Variants in CDH13 observed in about 807,000 individuals in gnomAD.
The protein encoded by CDH13 is cadherin-13.
Under a neutral mutation model 63.8 loss-of-function variants are expected in CDH13, and 24 were observed. That is an observed-to-expected ratio of 0.38 (90% CI 0.27 to 0.53). CDH13 has a LOEUF of 0.53. Among genes scored for constraint, CDH13 ranks in the 20% least tolerant of loss-of-function variants. The pLI is 0.85. For synonymous variants in CDH13, 503 were observed against 355.3 expected, an observed-to-expected ratio of 1.42 and a Z score of -4.67; for missense variants, 1,049 against 903.1, an observed-to-expected ratio of 1.16 and a Z score of -2.07.
chr16:83,093,347 G>A (rs935993650), intron 3 of CDH13, among the ~76,000 whole-genome samples: 3 of 59,430 alleles, frequency 5.0e-5, no homozygotes, highest in African/African-American at 1.1e-4. Context: ...TGGAGTCTTC[G>A]TCTTTTGCCC....
intron 1 of CDH13, among the ~76,000 whole-genome samples, chr16:82,639,112 A>T (rs1027543283): frequency 6.6e-6 from 1 of 152,164 alleles, no homozygotes; most frequent in Non-Finnish European, 1.5e-5. Context: ...TCTATGTTGC[A>T]CTAGTATATA....
intron 2 of CDH13, among the ~76,000 whole-genome samples, chr16:82,921,910 T>G (rs2042167879): frequency 6.6e-6 from 1 of 152,302 alleles, no homozygotes; most frequent in East Asian, 1.9e-4. Flanking sequence ...TCTAAATTAC[T>G]GATTCAATTT....
In CDH13 at chr16:83,599,195, T is replaced by C. The variant is rs145307048; in HGVS notation, c.961-3259T>C. ...CTGCTATAGTTAGTGCTTGAGGCAG[T>C]CCTGTAGCACATCCCCACAGCAATC... On this transcript the variant is annotated intron_variant, in intron 7 of 13. Transcript: ENST00000567109. 5.1e-3 allele frequency among the ~76,000 whole-genome samples: 783 copies of C among 152,310 alleles called. 7 individuals are homozygous for C. The highest frequency in any genetic ancestry group is 0.018 in the African/African-American group (744 of 41,556).
rs143597752 is a variant in CDH13, at chr16:83,525,455, T to A, written c.960+38800T>A. Among the ~76,000 whole-genome samples, 165 of 152,306 alleles carry A rather than the reference T, an allele frequency of 1.1e-3. No homozygotes were observed. In the Middle Eastern group the frequency reaches 0.024, roughly 22 times the overall value. On this transcript the variant is annotated intron_variant, in intron 7 of 13. Transcript: ENST00000567109. The stretch of plus-strand genomic sequence containing the variant: ...GGTTTCTTGGACTCCTAAGCCTAAT[T>A]TGTAAATGCTATGTTATACTGACTT...
intron 7 of CDH13, among the ~76,000 whole-genome samples, chr16:83,542,325 C>G (rs1042596766): frequency 6.6e-6 from 1 of 152,156 alleles, no homozygotes; most frequent in Non-Finnish European, 1.5e-5. Context: ...GCCAGGATTG[C>G]AAACTACTGC....
intron 7 of CDH13, among the ~76,000 whole-genome samples, chr16:83,602,085 AAAAAAAAAAAAAGAACAACAAC>A: frequency 1.3e-5 from 1 of 77,980 alleles, no homozygotes; most frequent in Non-Finnish European, 2.5e-5. Context: ...TCTGTCTCAA[AAAAAAAAAAAAAGAACAACAAC>A]AAAAAAAAAA....
At chr16:83,449,988 G>GGGCAGA (rs1412802441) in intron 6 of CDH13, among the ~76,000 whole-genome samples, 1 of 152,176 alleles carries the variant, frequency 6.6e-6, no homozygotes, top group African/African-American at 2.4e-5. Context: ...TTCGCTAGCA[G>GGGCAGA]GGCAGAGGCA....
At chr16:82,805,021 G>A (rs4782732) in intron 1 of CDH13, among the ~76,000 whole-genome samples, 24,963 of 152,088 alleles carry the variant, frequency 0.16, 2,383 homozygotes, top group East Asian at 0.34. Flanking sequence ...TTATCCAGAG[G>A]CGTAAAGGAA....
chr16:82,811,404 G>T (rs1217487482), intron 1 of CDH13, among the ~76,000 whole-genome samples: 1 of 152,120 alleles, frequency 6.6e-6, no homozygotes, highest in Non-Finnish European at 1.5e-5. Flanking sequence ...CAATTTTGAA[G>T]TAGTGATGAG....
chr16:83,708,764 C>T (rs964073294), intron 10 of CDH13, among the ~76,000 whole-genome samples: 1 of 152,200 alleles, frequency 6.6e-6, no homozygotes, highest in Non-Finnish European at 1.5e-5. Context: ...GTGGCTCATG[C>T]CTGTAATTCC....
intron 1 of CDH13, among the ~76,000 whole-genome samples, chr16:82,715,551 T>A (rs1428811161): frequency 6.6e-6 from 1 of 152,166 alleles, no homozygotes; most frequent in African/African-American, 2.4e-5. Flanking sequence ...GATTAGCTGG[T>A]GAACTGGTGG....
At chr16:83,308,745 G>C (rs2089935459) in intron 5 of CDH13, among the ~76,000 whole-genome samples, 2 of 152,216 alleles carry the variant, frequency 1.3e-5, no homozygotes, top group Non-Finnish European at 2.9e-5. Context: ...TATGTGGGAA[G>C]TTCAGAGCTG....
chr16:82,650,223 G>A (rs564099046), intron 1 of CDH13, among the ~76,000 whole-genome samples: 5 of 152,188 alleles, frequency 3.3e-5, no homozygotes, highest in East Asian at 1.9e-4. Context: ...AATGAGGTAC[G>A]TGAGGTTGCA....
At chr16:83,649,207 A>C (rs1912130749) in intron 8 of CDH13, among the ~76,000 whole-genome samples, 1 of 152,260 alleles carries the variant, frequency 6.6e-6, no homozygotes, top group Non-Finnish European at 1.5e-5. Flanking sequence ...GGTTCTATAA[A>C]ATGTGCCCTT....
At chr16:83,731,827 G>C (rs1911072867) in intron 10 of CDH13, among the ~76,000 whole-genome samples, 1 of 152,174 alleles carries the variant, frequency 6.6e-6, no homozygotes, top group African/African-American at 2.4e-5. Context: ...ACTTCAGACA[G>C]GAAAATGTAA....
At chr16:83,125,526 C>A in intron 4 of CDH13, 25 bp downstream of exon 4, 3 of 1,235,260 alleles carry the variant, frequency 2.4e-6, no homozygotes, top group East Asian at 2.3e-5. Context: ...CAGCAAATGA[C>A]AAAAACATGT....
intron 5 of CDH13, among the ~76,000 whole-genome samples, chr16:83,270,912 C>A (rs548046285): frequency 1.4e-5 from 2 of 146,472 alleles, no homozygotes; most frequent in Admixed American, 6.8e-5. Flanking sequence ...CCTTTCCTTC[C>A]TCCCTCACTC....
intron 6 of CDH13, among the ~76,000 whole-genome samples, chr16:83,415,619 A>T (rs11645020): frequency 0.012 from 1,807 of 152,310 alleles, 40 homozygotes; most frequent in Non-Finnish European, 0.012. Context: ...AAATCAATCA[A>T]TGTGATACAC....
At chr16:83,673,269 A>T (rs1021690591) in intron 9 of CDH13, among the ~76,000 whole-genome samples, 1 of 152,224 alleles carries the variant, frequency 6.6e-6, no homozygotes, top group African/African-American at 2.4e-5. Context: ...ACATTCGTTC[A>T]TCGGACATAG....
Sources: gnomAD v4.1 joint callset for allele counts (sites outside exome capture counted in the v4.1 genomes callset) on GRCh38, gnomAD v4.1.1 for gene constraint, MANE v1.5 for transcripts, NCBI Gene and HGNC (gene_info 2026-07-23, HGNC 2026-07-21) for gene names.